Variants in MYO7B observed in about 807,000 individuals in gnomAD.
MYO7B encodes the protein myosin VIIB, also known as unconventional myosin-VIIb.
In MYO7B, 212 loss-of-function variants were observed where a neutral mutation model predicts 259.7. The observed-to-expected ratio is 0.82, with a 90% CI of 0.73 to 0.91. MYO7B has a LOEUF of 0.91. Among genes scored for constraint, MYO7B ranks in the 40% least tolerant of loss-of-function variants. MYO7B has a pLI of 0.00. For missense variants in MYO7B, 2,732 were observed against 2,813.5 expected (o/e 0.97, Z 0.66); for synonymous variants, 1,197 against 1,166.4 (o/e 1.03, Z -0.54).
chr2:127,584,170 C>G lies in MYO7B; in HGVS notation c.1392C>G (p.Phe464Leu). 1.2e-6 allele frequency: 2 copies of G among 1,613,956 alleles called. No individual in the cohort carries two copies. The highest frequency in any genetic ancestry group is 1.7e-6 in the Non-Finnish European group (2 of 1,179,874). Residue 464 changes from phenylalanine to leucine, a missense_variant, in exon 13 of 48, where the codon TTC becomes TTG. Transcript: ENST00000409816. This position sits in a 1 kb window ranked among gnomAD's most constrained non-coding sequence, Gnocchi z 5.8. ...INFANEHLQQ[F>L]FVQHVFTMEQ... ...TCGCCAACGAGCACCTGCAGCAGTT[C>G]TTTGTGCAGCACGTGTTCACCATGG...
At chr2:127,565,455 A>G in intron 4 of MYO7B, 70 bp downstream of exon 4, 1 of 1,577,398 alleles carries the variant, frequency 6.3e-7, no homozygotes, top group South Asian at 1.1e-5. Flanking sequence ...CAGGGAGAAG[A>G]AAATGATGCA....
chr2:127,636,944 T>C lies in MYO7B; in HGVS notation c.6327+31T>C, dbSNP rs766399548. On this transcript the variant is annotated intron_variant, in intron 47 of 47. Transcript: ENST00000409816. The surrounding 1 kb of genome is among the most constrained non-coding windows in gnomAD (Gnocchi z 4.5). Reference sequence around the variant, plus strand: ...CTCAGGTTCTTTCTCCCATCCAAGATGCATAGGACAGAGCTGCTGGAGACT... The same window carrying C: ...CTCAGGTTCTTTCTCCCATCCAAGACGCATAGGACAGAGCTGCTGGAGACT... 1 of 1,606,662 alleles carries C rather than the reference T, an allele frequency of 6.2e-7. No individual in the cohort carries two copies. The highest frequency in any genetic ancestry group is 8.5e-7 in the Non-Finnish European group (1 of 1,179,748).
intron 26 of MYO7B, among the ~76,000 whole-genome samples, chr2:127,612,998 C>G (rs1300385070): frequency 2.6e-5 from 4 of 152,224 alleles, no homozygotes; most frequent in Non-Finnish European, 5.9e-5. Flanking sequence ...ACTGCAGTTC[C>G]CATCCGTGTT....
In MYO7B at chr2:127,628,105, T is replaced by G. The variant is rs1427109373; in HGVS notation, c.4461-267T>G. 1.6e-6 allele frequency: 1 copy of G among 635,030 alleles called. No homozygotes were observed. The highest frequency in any genetic ancestry group is 2.9e-6 in the Non-Finnish European group (1 of 342,064). The allele number at this position is 635,030 out of a possible 1,614,324, so 39.3% of individuals were successfully genotyped here. On this transcript the variant is annotated intron_variant, in intron 33 of 47. Transcript: ENST00000409816. This position sits in a 1 kb window ranked among gnomAD's most constrained non-coding sequence, Gnocchi z 4.8. ...TGACCTTTGCAGTGTCCCTGCGGTG[T>G]CACTGCACACCAGCCACCTCATTAT...
At chr2:127,561,403 C>T (rs1169218805) in intron 2 of MYO7B, among the ~76,000 whole-genome samples, 1 of 152,036 alleles carries the variant, frequency 6.6e-6, no homozygotes, top group Non-Finnish European at 1.5e-5. Flanking sequence ...GGACTACAGG[C>T]ACCCACCACC....
intron 5 of MYO7B, among the ~76,000 whole-genome samples, chr2:127,567,987 A>G (rs1678428294): frequency 6.6e-6 from 1 of 152,232 alleles, no homozygotes; most frequent in Non-Finnish European, 1.5e-5. Flanking sequence ...CCTAAGGCAC[A>G]GGTGATCACA....
At chr2:127,564,447 G>A (rs907354550) in intron 3 of MYO7B, among the ~76,000 whole-genome samples, 181 bp downstream of exon 3, 5 of 152,178 alleles carry the variant, frequency 3.3e-5, no homozygotes, top group Non-Finnish European at 7.3e-5. Flanking sequence ...TGTGTCCTGG[G>A]GAACGTTTCA....
At chr2:127,600,739 A>T (rs1425095368) in intron 19 of MYO7B, among the ~76,000 whole-genome samples, 2 of 152,110 alleles carry the variant, frequency 1.3e-5, no homozygotes, top group African/African-American at 2.4e-5. Flanking sequence ...AAAACAAAAA[A>T]CATTCTTGTC....
At chr2:127,570,345 T>G (rs1426361440) in intron 6 of MYO7B, among the ~76,000 whole-genome samples, 1 of 152,160 alleles carries the variant, frequency 6.6e-6, no homozygotes, top group Non-Finnish European at 1.5e-5. Context: ...CAAACTTGGA[T>G]GCTGCTCAGA....
In MYO7B at chr2:127,636,884, G is replaced by A. The variant is rs1216965674; in HGVS notation, c.6298G>A (p.Gly2100Ser). The change falls in exon 47 of 48, where the codon GGC becomes AGC. Residue 2100 changes from glycine to serine, a missense_variant. Coordinates refer to ENST00000409816, the MANE Select transcript of MYO7B (RefSeq NM_001393586.1). The surrounding 1 kb of genome is among the most constrained non-coding windows in gnomAD (Gnocchi z 4.5). ...CATGGCGCTGGGGAGCCTGGGCCGTGGCAGCCGCCTGCTGTGCGAGACCTC... is the reference window on the plus strand; with the variant it reads ...CATGGCGCTGGGGAGCCTGGGCCGTAGCAGCCGCCTGCTGTGCGAGACCTC... ...FHMALGSLGR[G>S]SRLLCETSLG... is the part of the protein sequence containing the mutation. 6.2e-7 allele frequency: 1 copy of A among 1,613,404 alleles called. No individual in the cohort carries two copies. Among genetic ancestry groups the A allele is most frequent in the Admixed American group, 1.7e-5 (1 of 60,016 alleles).
chr2:127,632,974 G>T lies in MYO7B; in HGVS notation c.5406-284G>T, dbSNP rs1681601130. On this transcript the variant is annotated intron_variant, in intron 39 of 47. Coordinates refer to ENST00000409816, the MANE Select transcript of MYO7B (RefSeq NM_001393586.1). ...CGATGCCCCTGTTGTGCGAGAATAA[G>T]AATACTGCCAGCCTTTCCTGCCGGC... Among the ~76,000 whole-genome samples the T allele has an allele frequency of 1.3e-5, 2 of 152,170 alleles. 1 individual carries two copies. Among genetic ancestry groups the T allele is most frequent in the South Asian group, 4.1e-4 (2 of 4,828 alleles).
chr2:127,568,766 C>T (rs1314565385), intron 5 of MYO7B, among the ~76,000 whole-genome samples: 1 of 151,170 alleles, frequency 6.6e-6, no homozygotes, highest in Non-Finnish European at 1.5e-5. Flanking sequence ...GCTTGGTGGC[C>T]GACGCCTGTA....
chr2:127,565,182 G>A, intron 3 of MYO7B, 51 bp from the exon 4 acceptor site: 1 of 1,578,948 alleles, frequency 6.3e-7, no homozygotes, highest in Non-Finnish European at 8.6e-7. Flanking sequence ...TGGCAGGCTG[G>A]CCATGGGGAT....
chr2:127,548,988 G>A (rs776321078), intron 1 of MYO7B, among the ~76,000 whole-genome samples: 17 of 152,150 alleles, frequency 1.1e-4, no homozygotes, highest in South Asian at 2.1e-4. Flanking sequence ...TGGCAGGTGC[G>A]TACATGTTAA....
chr2:127,592,759 C>A (rs777412991), intron 16 of MYO7B, 35 bp from the exon 17 acceptor site: 2 of 1,590,828 alleles, frequency 1.3e-6, no homozygotes, highest in Non-Finnish European at 8.6e-7. Flanking sequence ...GAAAGTGGGG[C>A]TTGCGCTGGG....
Position 127,588,688 on chromosome 2 carries a change from G to A in MYO7B, c.1854+133G>A. On this transcript the variant is annotated intron_variant, in intron 15 of 47. Coordinates refer to ENST00000409816, the MANE Select transcript of MYO7B (RefSeq NM_001393586.1). ...GTTGGCACTTGGGAATCCTGCAATGGATGGATGGATGGGTGAATGGATGGG... is the reference window on the plus strand; with the variant it reads ...GTTGGCACTTGGGAATCCTGCAATGAATGGATGGATGGGTGAATGGATGGG... The A allele has an allele frequency of 9.1e-6, 9 of 993,068 alleles. 1 individual carries two copies. In the South Asian group the frequency reaches 1.3e-4, roughly 14 times the overall value. The allele number at this position is 993,068 out of a possible 1,614,324, so 61.5% of individuals were successfully genotyped here.
intron 1 of MYO7B, among the ~76,000 whole-genome samples, chr2:127,557,687 C>A (rs1284313234): frequency 6.6e-6 from 1 of 152,044 alleles, no homozygotes; most frequent in Admixed American, 6.5e-5. Flanking sequence ...AGTAATAAAC[C>A]CAATTGCTTA....
chr2:127,604,290 A>G (rs1417039536), intron 19 of MYO7B, among the ~76,000 whole-genome samples: 1 of 152,096 alleles, frequency 6.6e-6, no homozygotes, highest in African/African-American at 2.4e-5. Flanking sequence ...AAACCTCATG[A>G]CCCAAACTTT....
Position 127,630,822 on chromosome 2 carries a change from G to A in MYO7B, c.4851G>A (p.Gln1617=), listed in dbSNP as rs1203762974. Residue 1617 remains glutamine (Q), a synonymous_variant, in exon 36 of 48, where the codon CAG becomes CAA. Transcript: ENST00000409816. ...MSPEKRKLAA[Q]EGQFTEPRPE... ...CAGAGAAGAGGAAGCTGGCGGCTCA[G>A]GAGGGGCAGTTCACAGAGCCACGTC... 2 of 1,613,084 alleles carry A rather than the reference G, an allele frequency of 1.2e-6. No individual in the cohort carries two copies. Among genetic ancestry groups the A allele is most frequent in the African/African-American group, 1.3e-5 (1 of 75,038 alleles).
Sources: gnomAD v4.1 joint callset for allele counts (sites outside exome capture counted in the v4.1 genomes callset) on GRCh38, gnomAD v4.1.1 for gene constraint, Gnocchi (gnomAD v3.1) non-coding constraint, MANE v1.5 for transcripts, NCBI Gene and HGNC (gene_info 2026-07-23, HGNC 2026-07-21) for gene names.